Variants in MARCHF10 observed in about 807,000 individuals in gnomAD.
The protein encoded by MARCHF10 is probable E3 ubiquitin-protein ligase MARCHF10.
A neutral mutation model predicts 76.2 loss-of-function variants in MARCHF10; 64 were observed. That is an observed-to-expected ratio of 0.84 (90% CI 0.69 to 1.03). The LOEUF (loss-of-function observed/expected upper bound fraction) is 1.03. Among genes scored for constraint, MARCHF10 ranks in the 50% least tolerant of loss-of-function variants. The probability of loss-of-function intolerance (pLI) is 0.00; values close to 1 mark genes in which losing one functional copy is unlikely to be tolerated. For missense variants in MARCHF10, 875 were observed against 958.0 expected (o/e 0.91, Z 1.14); for synonymous variants, 340 against 357.5 (o/e 0.95, Z 0.55).
intron 3 of MARCHF10, among the ~76,000 whole-genome samples, chr17:62,787,205 A>G (rs1386420187): frequency 6.6e-6 from 1 of 152,174 alleles, no homozygotes; most frequent in Non-Finnish European, 1.5e-5. Context: ...TTATTGTACG[A>G]TTTTATATTC....
At chr17:62,713,792 T>A (rs1177133373) in intron 8 of MARCHF10, among the ~76,000 whole-genome samples, 1 of 152,096 alleles carries the variant, frequency 6.6e-6, no homozygotes, top group Non-Finnish European at 1.5e-5. Context: ...GGAGTTCCCT[T>A]TGTGTGCCAG....
chr17:62,730,445 A>G (rs2090975961), intron 6 of MARCHF10, among the ~76,000 whole-genome samples: 2 of 152,268 alleles, frequency 1.3e-5, no homozygotes, highest in Admixed American at 1.3e-4. Flanking sequence ...TATATTCCAT[A>G]TGAATTTAAG....
At chr17:62,733,247 C>T (rs1338766900) in intron 6 of MARCHF10, among the ~76,000 whole-genome samples, 1 of 151,234 alleles carries the variant, frequency 6.6e-6, no homozygotes, top group South Asian at 2.1e-4. Context: ...TTGCTTGAGG[C>T]CAAAAGTTTG....
intron 8 of MARCHF10, among the ~76,000 whole-genome samples, chr17:62,715,433 C>G (rs2090143374): frequency 2.0e-5 from 3 of 152,242 alleles, no homozygotes; most frequent in African/African-American, 7.2e-5. Context: ...CTAAGCTTTC[C>G]TTAAACCTGT....
intron 5 of MARCHF10, 89 bp downstream of exon 5, chr17:62,744,287 T>A (rs1410444468): frequency 2.2e-6 from 3 of 1,376,624 alleles, no homozygotes; most frequent in East Asian, 2.3e-5. Flanking sequence ...AAAGTACAAG[T>A]ATCTAAAAAC....
chr17:62,790,919 A>G (rs1241464958), intron 2 of MARCHF10, among the ~76,000 whole-genome samples: 3 of 152,208 alleles, frequency 2.0e-5, no homozygotes, highest in Non-Finnish European at 2.9e-5. Context: ...GTGGAATCCT[A>G]GATTCTGGGG....
At chr17:62,795,382 A>AAAAAAAAAAAG (rs1555719591) in intron 2 of MARCHF10, among the ~76,000 whole-genome samples, 2 of 111,988 alleles carry the variant, frequency 1.8e-5, no homozygotes. Flanking sequence ...AAAAAAAAAA[A>AAAAAAAAAAAG]AAGAAGCTAG....
intron 1 of MARCHF10, chr17:62,805,006 G>A (rs2093140965): frequency 6.6e-6 from 1 of 152,250 alleles, no homozygotes; most frequent in East Asian, 1.9e-4. Flanking sequence ...CCCAGCGTCT[G>A]GTCTGGTAGT....
intron 3 of MARCHF10, among the ~76,000 whole-genome samples, chr17:62,764,059 TG>T (rs2092272216): frequency 6.6e-6 from 1 of 152,124 alleles, no homozygotes; most frequent in Non-Finnish European, 1.5e-5. Flanking sequence ...GTAGATGTCC[TG>T]GAAGGTGAAA....
In MARCHF10 at chr17:62,744,388, G is replaced by T. The variant is rs140083317; in HGVS notation, c.523C>A (p.Pro175Thr). Residue 175 changes from proline to threonine, a missense_variant, in exon 5 of 11, where the codon CCC becomes ACC. Coordinates refer to ENST00000311269, the MANE Select transcript of MARCHF10 (RefSeq NM_152598.4). Reference sequence around the variant, plus strand: ...CCCGGGTCCTTACCTGCTCCCCTGGGAACCGGCACCTTTGCAGGCCACTGC... The same window carrying T: ...CCCGGGTCCTTACCTGCTCCCCTGGTAACCGGCACCTTTGCAGGCCACTGC... ...KQQWPAKVPV[P>T]RGADQVVQQE... 2.3e-4 allele frequency: 365 copies of T among 1,613,700 alleles called. No individual in the cohort carries two copies. Among genetic ancestry groups the T allele is most frequent in the Non-Finnish European group, 3.0e-4 (357 of 1,179,964 alleles).
At chr17:62,802,457 T>C (rs2093090681) in intron 1 of MARCHF10, among the ~76,000 whole-genome samples, 1 of 152,066 alleles carries the variant, frequency 6.6e-6, no homozygotes, top group African/African-American at 2.4e-5. Context: ...TGACCTCAGG[T>C]GATTCACTCG....
intron 8 of MARCHF10, among the ~76,000 whole-genome samples, chr17:62,718,857 C>T (rs537413395): frequency 6.6e-6 from 1 of 152,270 alleles, no homozygotes; most frequent in South Asian, 2.1e-4. Flanking sequence ...CCCTTCTCTT[C>T]CTCTCTTCTT....
intron 4 of MARCHF10, among the ~76,000 whole-genome samples, chr17:62,756,337 T>A (rs1236500700): frequency 3.3e-5 from 5 of 151,848 alleles, no homozygotes; most frequent in Non-Finnish European, 7.4e-5. Flanking sequence ...TCACAGCTAC[T>A]TGGGAGGCCG....
At chr17:62,797,862 G>A (rs532448135) in intron 2 of MARCHF10, among the ~76,000 whole-genome samples, 1 of 152,284 alleles carries the variant, frequency 6.6e-6, no homozygotes, top group East Asian at 1.9e-4. Flanking sequence ...TTGGAACCAT[G>A]GGGTGGCAAC....
Position 62,711,498 on chromosome 17 carries a change from CAGG to C in MARCHF10, c.2215-157_2215-155del, listed in dbSNP as rs1345571683. Among the ~76,000 whole-genome samples, 1 of 152,190 alleles carries C rather than the reference CAGG, an allele frequency of 6.6e-6. No homozygotes were observed. Among genetic ancestry groups the C allele is most frequent in the East Asian group, 1.9e-4 (1 of 5,200 alleles). On this transcript the variant is annotated intron_variant, in intron 8 of 10. Coordinates refer to ENST00000311269, the MANE Select transcript of MARCHF10 (RefSeq NM_152598.4). The surrounding 1 kb of genome is among the most constrained non-coding windows in gnomAD (Gnocchi z 4.4). ...TGCTCTTGGGGACCAGAAGACAGAGCAGGAGGAGATCCAGGGTAGAGGCCAGGG... is the reference window on the plus strand; with the variant it reads ...TGCTCTTGGGGACCAGAAGACAGAGCAGGAGATCCAGGGTAGAGGCCAGGG...
rs530395959 is a variant in MARCHF10 at position 62,743,690 on chromosome 17, T to A, written c.535+686A>T. Reference sequence around the variant, plus strand: ...AAATAAAGGCAACTGTGTTCATTGGTCATGACATAATGGGATGCTCAGTGG... The same window carrying A: ...AAATAAAGGCAACTGTGTTCATTGGACATGACATAATGGGATGCTCAGTGG... On this transcript the variant is annotated intron_variant, in intron 5 of 10. Transcript: ENST00000311269. Among the ~76,000 whole-genome samples the A allele has an allele frequency of 3.3e-5, 5 of 152,284 alleles. No homozygotes were observed. The East Asian group carries it at 9.6e-4, about 29-fold the overall frequency.
intron 10 of MARCHF10, among the ~76,000 whole-genome samples, chr17:62,702,653 G>C (rs1023164138): frequency 4.6e-5 from 7 of 152,018 alleles, no homozygotes; most frequent in African/African-American, 1.7e-4. Flanking sequence ...GTGACAGAGC[G>C]AGACTCCATC....
intron 9 of MARCHF10, among the ~76,000 whole-genome samples, chr17:62,710,214 C>T (rs1161991911): frequency 1.3e-5 from 2 of 152,180 alleles, no homozygotes; most frequent in East Asian, 1.9e-4. Flanking sequence ...GTATCAACCC[C>T]GGATGCTTTG....
intron 8 of MARCHF10, among the ~76,000 whole-genome samples, chr17:62,720,322 G>C (rs765106230): frequency 6.6e-6 from 1 of 152,112 alleles, no homozygotes; most frequent in Non-Finnish European, 1.5e-5. Context: ...GTGGGGAGAG[G>C]GGAAGTATTC....
Sources: allele counts gnomAD v4.1 joint callset (sites outside exome capture counted in the v4.1 genomes callset), GRCh38; gene constraint gnomAD v4.1.1; non-coding constraint Gnocchi (gnomAD v3.1); transcripts MANE v1.5; gene names NCBI Gene and HGNC (gene_info 2026-07-23, HGNC 2026-07-21).